LOXL4: variants seen among roughly 807,000 people sequenced by gnomAD.
The protein encoded by LOXL4 is lysyl oxidase homolog 4.
A neutral mutation model predicts 89.1 loss-of-function variants in LOXL4; 72 were observed. The observed-to-expected ratio is 0.81, with a 90% CI of 0.67 to 0.98. The LOEUF (loss-of-function observed/expected upper bound fraction) is 0.98, where lower values mean the gene tolerates loss of function less well. Ranked by LOEUF, LOXL4 falls within the 50% of genes least tolerant of loss-of-function variation. LOXL4 has a pLI of 0.00. For synonymous variants in LOXL4, 355 were observed against 392.1 expected, an observed-to-expected ratio of 0.91 and a Z score of 1.12; for missense variants, 984 against 1,017.5, an observed-to-expected ratio of 0.97 and a Z score of 0.45.
chr10:98,261,135 G>C lies in LOXL4; in HGVS notation c.457-8C>G, dbSNP rs1858529427. On this transcript the variant is annotated splice_polypyrimidine_tract_variant and splice_region_variant and intron_variant, in intron 3 of 14. Transcript: ENST00000260702. ...CTCCTCCAGCCGCCGGCCCTGCGGG[G>C]TGCACAGTCACCTGTGGGCCTCGGG... The C allele has an allele frequency of 1.2e-6, 2 of 1,609,762 alleles. No homozygotes were observed. Among genetic ancestry groups the C allele is most frequent in the Non-Finnish European group, 1.7e-6 (2 of 1,179,860 alleles).
Position 98,257,992 on chromosome 10 carries a change from C to T in LOXL4, c.1094G>A (p.Arg365Gln), listed in dbSNP as rs150606776. ...GSAREALFGA[R>Q]LGQGLGPIHL... The stretch of plus-strand genomic sequence containing the variant: ...GCTGTCTCACTCACCTTGGCCCAGC[C>T]GGGCCCCAAAGAGGGCCTCCCGAGC... Residue 365 changes from arginine (R) to glutamine (Q), a missense_variant, in exon 7 of 15, where the codon CGG (arginine) becomes CAG (glutamine). Physicochemically the swap from Arg to Gln is conservative, Grantham distance 43 (BLOSUM62 1). Coordinates refer to ENST00000260702, the MANE Select transcript of LOXL4 (RefSeq NM_032211.7). The T allele has an allele frequency of 2.0e-4, 324 of 1,613,778 alleles. No homozygotes were observed. The African/African-American group carries it at 2.9e-3, about 14-fold the overall frequency.
At chr10:98,257,426 G>A (rs776455075) in intron 8 of LOXL4, among the ~76,000 whole-genome samples, 1 of 152,184 alleles carries the variant, frequency 6.6e-6, no homozygotes, top group Non-Finnish European at 1.5e-5. Context: ...CAGGGGACCC[G>A]AGACGGGTAT....
At position 98,252,474 on chromosome 10, in the gene LOXL4, G is replaced by A; in HGVS notation, c.1836-6C>T. 1 of 1,597,238 alleles carries A rather than the reference G, an allele frequency of 6.3e-7. No homozygotes were observed. On this transcript the variant is annotated splice_region_variant and splice_polypyrimidine_tract_variant and intron_variant, in intron 11 of 14. Coordinates refer to ENST00000260702, the MANE Select transcript of LOXL4 (RefSeq NM_032211.7). ...CCTCAATGCTGTGGTAATGCCTGCA[G>A]AAGGGGTAGAGCTGTCAGTGCGGCA...
chr10:98,257,542 G>A, intron 8 of LOXL4, 108 bp downstream of exon 8: 14 of 1,347,116 alleles, frequency 1.0e-5, no homozygotes, highest in Admixed American at 2.2e-5. Flanking sequence ...AAGCAGAAGC[G>A]CTAGCCGCTC....
In LOXL4 at chr10:98,255,702, T is replaced by C; in HGVS notation, c.1466A>G (p.Glu489Gly). Reference sequence around the variant, plus strand: ...GCAGCGCACCCCACTCATCACCACCTCCTGGGCCCTTGGCGTCCCCGACCA... The same window carrying C: ...GCAGCGCACCCCACTCATCACCACCCCCTGGGCCCTTGGCGTCCCCGACCA... ...WFWSGTPRAQ[E>G]VVMSGVRCSG... The change falls in exon 10 of 15, where the codon GAG (glutamate) becomes GGG (glycine). Residue 489 changes from glutamate to glycine, a missense_variant. Glu to Gly is a moderately conservative substitution (Grantham distance 98). Transcript: ENST00000260702. The C allele has an allele frequency of 6.2e-7, 1 of 1,612,834 alleles. No individual in the cohort carries two copies. The highest frequency in any genetic ancestry group is 8.5e-7 in the Non-Finnish European group (1 of 1,178,954).
chr10:98,254,409 C>T (rs772172734), intron 10 of LOXL4, among the ~76,000 whole-genome samples: 3 of 152,172 alleles, frequency 2.0e-5, no homozygotes, highest in Admixed American at 6.5e-5. Context: ...CTGGGCAGGC[C>T]GGCCGCAGCT....
chr10:98,261,919 G>T, intron 3 of LOXL4, 116 bp downstream of exon 3: 1 of 1,087,780 alleles, frequency 9.2e-7, no homozygotes, highest in Non-Finnish European at 1.3e-6. Flanking sequence ...TGGGGACGAT[G>T]CTCAGTGCAG....
intron 2 of LOXL4, 110 bp from the exon 3 acceptor site, chr10:98,262,323 A>T (rs1338550125): frequency 8.4e-7 from 1 of 1,190,556 alleles, no homozygotes. Context: ...ACCCTGGGAG[A>T]AAGTGGCAGG....
At chr10:98,263,551 C>T (rs138848877) in intron 1 of LOXL4, among the ~76,000 whole-genome samples, 3 of 152,160 alleles carry the variant, frequency 2.0e-5, no homozygotes, top group Non-Finnish European at 4.4e-5. Flanking sequence ...TTCTGATGTT[C>T]CTAGCACCCT....
chr10:98,261,164 C>T (rs762062827), intron 3 of LOXL4, 37 bp from the exon 4 acceptor site: 10 of 1,597,518 alleles, frequency 6.3e-6, no homozygotes, highest in Non-Finnish European at 7.7e-6. Context: ...CCTCGGGGCT[C>T]CTGCTCCTCC....
chr10:98,260,440 C>G (rs377295606), intron 4 of LOXL4, among the ~76,000 whole-genome samples: 1 of 147,714 alleles, frequency 6.8e-6, no homozygotes, highest in Non-Finnish European at 1.5e-5. Flanking sequence ...ACCAAGGACA[C>G]GCGGTTTTAT....
At chr10:98,261,911 G>T in intron 3 of LOXL4, 124 bp downstream of exon 3, 1 of 1,023,694 alleles carries the variant, frequency 9.8e-7, no homozygotes, top group Non-Finnish European at 1.3e-6. Flanking sequence ...CGGCGGCCTG[G>T]GGACGATGCT....
rs758291055 is a variant in LOXL4 at position 98,256,838 on chromosome 10, G to T, written c.1370C>A (p.Thr457Asn). ...GSVCSENWGL[T>N]EAMVACRQLG... ...CTGTCGGCAGGCCACCATGGCTTCG[G>T]TGAGCCCCCAGTTTTCACTGCACAC... Residue 457 changes from threonine (T) to asparagine (N), a missense_variant, in exon 9 of 15, where the codon ACC becomes AAC. Thr to Asn is a moderately conservative substitution (Grantham distance 65). Coordinates refer to ENST00000260702, the MANE Select transcript of LOXL4 (RefSeq NM_032211.7). 9 of 1,614,176 alleles carry T rather than the reference G, an allele frequency of 5.6e-6. No individual in the cohort carries two copies. Among genetic ancestry groups the T allele is most frequent in the Non-Finnish European group, 7.6e-6 (9 of 1,180,042 alleles).
In LOXL4 at chr10:98,259,125, G is replaced by T; in HGVS notation, c.805C>A (p.Arg269=). The change falls in exon 6 of 15, where the codon CGG becomes AGG. Residue 269 remains arginine, a synonymous_variant. Transcript: ENST00000260702. The stretch of plus-strand genomic sequence containing the variant: ...GGGCAGGCTGGCCGCAGCTTGCCCC[G>T]GGCTGGAGCCACCTGCACCTGGCAG... ...ANCQVQVAPA[R]GKLRPACPGG... The T allele has an allele frequency of 1.2e-6, 2 of 1,610,008 alleles. No individual in the cohort carries two copies. Among genetic ancestry groups the T allele is most frequent in the Non-Finnish European group, 1.7e-6 (2 of 1,178,794 alleles).
chr10:98,260,888 C>T, intron 4 of LOXL4, 34 bp downstream of exon 4: 1 of 1,569,972 alleles, frequency 6.4e-7, no homozygotes, highest in Non-Finnish European at 8.7e-7. Flanking sequence ...CACAACCCTG[C>T]CTCCTGTGGG....
intron 9 of LOXL4, 26 bp downstream of exon 9, chr10:98,256,754 A>T: frequency 6.2e-7 from 1 of 1,613,616 alleles, no homozygotes; most frequent in African/African-American, 1.3e-5. Context: ...GAGAGGTCAT[A>T]CGGAAGAAAC....
In LOXL4 at chr10:98,255,561, G is replaced by A; in HGVS notation, c.1591+16C>T. On this transcript the variant is annotated intron_variant, in intron 10 of 14. Coordinates refer to ENST00000260702, the MANE Select transcript of LOXL4 (RefSeq NM_032211.7). The stretch of plus-strand genomic sequence containing the variant: ...GGCCTACCTGTCCCCAGCCCTGTGA[G>A]CCCTCCGTCACTCACTGTCCATGCA... 1.9e-6 allele frequency: 3 copies of A among 1,589,504 alleles called. No homozygotes were observed. The highest frequency in any genetic ancestry group is 2.6e-6 in the Non-Finnish European group (3 of 1,160,122).
At position 98,251,070 on chromosome 10, in the gene LOXL4, T is replaced by C; in HGVS notation, c.2195A>G (p.His732Arg). 1 of 1,613,368 alleles carries C rather than the reference T, an allele frequency of 6.2e-7. No homozygotes were observed. Among genetic ancestry groups the C allele is most frequent in the South Asian group, 1.1e-5 (1 of 91,018 alleles). ...CCACAGTGGCTCGGAGTTACCTGTGTGGCAGTTGTGCAGCCAGACCCGGTG... is the reference window on the plus strand; with the variant it reads ...CCACAGTGGCTCGGAGTTACCTGTGCGGCAGTTGTGCAGCCAGACCCGGTG... ...DGHRVWLHNC[H>R]TGNSYPANAE... Residue 732 changes from histidine to arginine, a missense_variant, in exon 14 of 15, where the codon CAC becomes CGC. His to Arg is a conservative substitution (Grantham distance 29, BLOSUM62 0). Transcript: ENST00000260702.
intron 4 of LOXL4, among the ~76,000 whole-genome samples, chr10:98,260,536 T>TTGTTTTCTGACTGTTTC (rs1858507175): frequency 6.6e-6 from 1 of 152,052 alleles, no homozygotes; most frequent in African/African-American, 2.4e-5. Context: ...AGTGCAGTGT[T>TTGTTTTCTGACTGTTTC]TGTTTTCTGA....
Sources: gnomAD v4.1 joint callset for allele counts (sites outside exome capture counted in the v4.1 genomes callset) on GRCh38, gnomAD v4.1.1 for gene constraint, MANE v1.5 for transcripts, NCBI Gene and HGNC (gene_info 2026-07-23, HGNC 2026-07-21) for gene names.